POMT1: variants seen among roughly 807,000 people sequenced by gnomAD.
The protein encoded by POMT1 is protein O-mannosyl-transferase 1.
POMT1 carries 85 observed loss-of-function variants against 101.6 expected under a neutral mutation model. The observed-to-expected ratio is 0.84, with a 90% CI of 0.70 to 1.00. POMT1 has a LOEUF of 1.00. Among genes scored for constraint, POMT1 ranks in the 50% least tolerant of loss-of-function variants. POMT1 has a pLI of 0.00. For missense variants in POMT1, 857 were observed against 930.4 expected, an observed-to-expected ratio of 0.92 and a Z score of 1.03; for synonymous variants, 371 against 383.0, an observed-to-expected ratio of 0.97 and a Z score of 0.37.
At chr9:131,516,158 T>TTC (rs71372742) in intron 13 of POMT1, among the ~76,000 whole-genome samples, 861 of 40,414 alleles carry the variant, frequency 0.021, 247 homozygotes, top group Admixed American at 0.034. Flanking sequence ...CACAGGACAC[T>TTC]CTCACACTCA....
chr9:131,519,222 C>G lies in POMT1; in HGVS notation c.1487-167C>G, dbSNP rs561384009. On this transcript the variant is annotated intron_variant, in intron 15 of 19. Transcript: ENST00000402686. The surrounding 1 kb of genome is among the most constrained non-coding windows in gnomAD (Gnocchi z 4.3). ...CAGGGTCGAAATCACCTCATTTGAC[C>G]GGGCAGTCTTGGGTGTGGTGGGGAA... Among the ~76,000 whole-genome samples the G allele has an allele frequency of 6.6e-6, 1 of 152,186 alleles. No individual in the cohort carries two copies. The highest frequency in any genetic ancestry group is 2.4e-5 in the African/African-American group (1 of 41,432).
chr9:131,522,952 T>C lies in POMT1; in HGVS notation c.2024T>C (p.Ile675Thr). 1 of 1,596,796 alleles carries C rather than the reference T, an allele frequency of 6.3e-7. No homozygotes were observed. The change falls in exon 20 of 20, where the codon ATC (isoleucine) becomes ACC (threonine). Residue 675 changes from isoleucine (I) to threonine (T), a missense_variant. Coordinates refer to ENST00000402686, the MANE Select transcript of POMT1 (RefSeq NM_001077365.2). The surrounding 1 kb of genome is among the most constrained non-coding windows in gnomAD (Gnocchi z 5.5). ...HLCRSQLQRS[I>T]FSALVVAWYS... ...TGCAGGTCCCAGCTCCAGAGGAGCA[T>C]CTTCAGCGCCCTGGTGGTGGCCTGG...
At position 131,511,402 on chromosome 9, in the gene POMT1, G is replaced by C; in HGVS notation, c.921G>C (p.Leu307=). The C allele has an allele frequency of 6.2e-7, 1 of 1,614,164 alleles. No individual in the cohort carries two copies. Among genetic ancestry groups the C allele is most frequent in the African/African-American group, 1.3e-5 (1 of 75,046 alleles). The change falls in exon 10 of 20, where the codon CTG becomes CTC. Residue 307 remains leucine (L), a synonymous_variant. Coordinates refer to ENST00000402686, the MANE Select transcript of POMT1 (RefSeq NM_001077365.2). ...LEVAFGSQVT[L]RNVFGKPVPC... Reference sequence around the variant, plus strand: ...TGGCCTTTGGGTCCCAGGTCACTCTGAGGAACGTCTTTGGGAAACCTGTGC... The same window carrying C: ...TGGCCTTTGGGTCCCAGGTCACTCTCAGGAACGTCTTTGGGAAACCTGTGC...
chr9:131,518,860 C>G lies in POMT1; in HGVS notation c.1389C>G (p.Asp463Glu). The G allele has an allele frequency of 6.2e-7, 1 of 1,614,012 alleles. No individual in the cohort carries two copies. Among genetic ancestry groups the G allele is most frequent in the Non-Finnish European group, 8.5e-7 (1 of 1,180,026 alleles). Residue 463 changes from aspartate (D) to glutamate (E), a missense_variant, in exon 15 of 20, where the codon GAC (aspartate) becomes GAG (glutamate). Coordinates refer to ENST00000402686, the MANE Select transcript of POMT1 (RefSeq NM_001077365.2). ...VLKLSGAHLP[D>E]WGYRQLEIVG... The stretch of plus-strand genomic sequence containing the variant: ...AGCTGAGCGGGGCTCACCTCCCTGA[C>G]TGGGGGTATCGGCAACTGGAGATCG...
rs980939610 is a variant in POMT1 at position 131,521,122 on chromosome 9, C to A, written c.1699-224C>A. 5 of 592,212 alleles carry A rather than the reference C, an allele frequency of 8.4e-6. No homozygotes were observed. In the African/African-American group the frequency reaches 9.2e-5, roughly 11 times the overall value. 36.7% of individuals were successfully genotyped at this position (592,212 alleles called of 1,614,324 possible). A position where few individuals can be genotyped will look rare whatever the true frequency, so the allele number is the denominator to read the frequency against. On this transcript the variant is annotated intron_variant, in intron 17 of 19. Transcript: ENST00000402686. ...CTTCCCAAAGTGCTGGGATTACAGG[C>A]ATGTGCCACCACACCCGGCTGGCAT... is the stretch of plus-strand genomic sequence containing the variant.
intron 11 of POMT1, 136 bp downstream of exon 11, chr9:131,512,272 C>T: frequency 1.4e-6 from 2 of 1,476,096 alleles, no homozygotes; most frequent in East Asian, 2.5e-5. Context: ...TGAACACCAG[C>T]TCAGTGCTGA....
At chr9:131,513,128 G>A in intron 11 of POMT1, 111 bp from the exon 12 acceptor site, 1 of 857,076 alleles carries the variant, frequency 1.2e-6, no homozygotes. Context: ...AGGCACACAT[G>A]GGTTGGGAGG....
Position 131,509,907 on chromosome 9 carries a change from A to T in POMT1, c.610A>T (p.Lys204Ter). 7 of 1,614,184 alleles carry T rather than the reference A, an allele frequency of 4.3e-6. No homozygotes were observed. The highest frequency in any genetic ancestry group is 5.1e-6 in the Non-Finnish European group (6 of 1,180,038). Reference sequence around the variant, plus strand: ...ATTTCTGTCATGTCTTTGCAGCATCAAGTACATGGGTGTGTTCACGTACGT... The same window carrying T: ...ATTTCTGTCATGTCTTTGCAGCATCTAGTACATGGGTGTGTTCACGTACGT... ...GVACSCAVGI[K>*]YMGVFTYVLV... The change falls in exon 8 of 20, where the codon AAG (lysine) becomes TAG (stop). Residue 204 changes from lysine to a stop codon, truncating the protein, a stop_gained. Transcript: ENST00000402686. LOFTEE classifies it high-confidence loss of function.
chr9:131,518,236 C>T (rs748589530), intron 13 of POMT1: 6 of 679,780 alleles, frequency 8.8e-6, no homozygotes, highest in South Asian at 7.3e-5. Context: ...GAGGAGGGTG[C>T]ACTTCCCCAG....
chr9:131,506,999 G>A (rs1034454589), intron 4 of POMT1, among the ~76,000 whole-genome samples: 6 of 151,870 alleles, frequency 4.0e-5, no homozygotes, highest in Admixed American at 2.0e-4. Flanking sequence ...CCCGGGAGGC[G>A]GAGCTTGCAG....
chr9:131,519,951 C>A lies in POMT1; in HGVS notation c.1585-129C>A. ...GGTTCTCATCATGCTGCCTCCGATG[C>A]ATGATCCGAATGAACTTGAGCTGGG... is the stretch of plus-strand genomic sequence containing the variant. On this transcript the variant is annotated intron_variant, in intron 16 of 19. Transcript: ENST00000402686. The surrounding 1 kb of genome is among the most constrained non-coding windows in gnomAD (Gnocchi z 4.3). 1 of 746,270 alleles carries A rather than the reference C, an allele frequency of 1.3e-6. No homozygotes were observed. Among genetic ancestry groups the A allele is most frequent in the Non-Finnish European group, 2.3e-6 (1 of 426,770 alleles). 46.2% of individuals were successfully genotyped at this position (746,270 alleles called of 1,614,324 possible).
chr9:131,522,313 C>A lies in POMT1; in HGVS notation c.2003+89C>A, dbSNP rs1751968732. On this transcript the variant is annotated intron_variant, in intron 19 of 19. Transcript: ENST00000402686. This position sits in a 1 kb window ranked among gnomAD's most constrained non-coding sequence, Gnocchi z 5.5. Reference sequence around the variant, plus strand: ...CAGCAAACACATGGGGTGCAGCGAACCTCACCCATTTCACGTTACACTGAC... The same window carrying A: ...CAGCAAACACATGGGGTGCAGCGAAACTCACCCATTTCACGTTACACTGAC... The A allele has an allele frequency of 2.5e-6, 4 of 1,584,840 alleles. No homozygotes were observed. Among genetic ancestry groups the A allele is most frequent in the Non-Finnish European group, 3.4e-6 (4 of 1,170,610 alleles).
In POMT1 at chr9:131,522,987, G is replaced by A. The variant is rs535544133; in HGVS notation, c.2059G>A (p.Ala687Thr). 41 of 1,606,136 alleles carry A rather than the reference G, an allele frequency of 2.6e-5. No individual in the cohort carries two copies. The highest frequency in any genetic ancestry group is 2.2e-4 in the Middle Eastern group (1 of 4,456). The change falls in exon 20 of 20, where the codon GCG becomes ACG. Residue 687 changes from alanine (A) to threonine (T), a missense_variant. Ala to Thr is a moderately conservative substitution (Grantham distance 58). Coordinates refer to ENST00000402686, the MANE Select transcript of POMT1 (RefSeq NM_001077365.2). This position sits in a 1 kb window ranked among gnomAD's most constrained non-coding sequence, Gnocchi z 5.5. ...CCTGGTGGTGGCCTGGTACTCCTCC[G>A]CGTGCCACGTGTCCAACACGCTGCG... is the stretch of plus-strand genomic sequence containing the variant. The part of the protein sequence containing the change: ...SALVVAWYSS[A>T]CHVSNTLRPL...
chr9:131,519,433 C>A lies in POMT1; in HGVS notation c.1531C>A (p.Gln511Lys). 2 of 1,551,964 alleles carry A rather than the reference C, an allele frequency of 1.3e-6. No homozygotes were observed. The highest frequency in any genetic ancestry group is 2.4e-5 in the East Asian group (1 of 41,124). ...GGAACGGGAGCTGCACTCACCTGCG[C>A]AGGTGGACGTCAGCAGGAACCTCAG... Reference protein sequence around the residue: ...ERERELHSPAQVDVSRNLSFM... With the variant: ...ERERELHSPAKVDVSRNLSFM... The change falls in exon 16 of 20, where the codon CAG becomes AAG. Residue 511 changes from glutamine (Q) to lysine (K), a missense_variant. Transcript: ENST00000402686. This position sits in a 1 kb window ranked among gnomAD's most constrained non-coding sequence, Gnocchi z 4.3.
rs10901066 is a variant in POMT1, at chr9:131,511,516, G to A, written c.986+49G>A. ...AGATAATTAAATGCTTTATTTGCTC[G>A]TAGATTTGCTTATCTTAGCAACTTT... On this transcript the variant is annotated intron_variant, in intron 10 of 19. Transcript: ENST00000402686. 0.94 allele frequency: 1,512,923 copies of A among 1,609,874 alleles called. 713,176 individuals are homozygous for A. The highest frequency in any genetic ancestry group is 0.97 in the South Asian group (88,243 of 90,920).
chr9:131,513,737 G>A (rs1947651627), intron 12 of POMT1, among the ~76,000 whole-genome samples: 1 of 152,206 alleles, frequency 6.6e-6, no homozygotes, highest in Non-Finnish European at 1.5e-5. Flanking sequence ...CACGAGTGGA[G>A]CCGTGAAGGC....
Position 131,515,444 on chromosome 9 carries a change from CCT to C in POMT1, c.1195_1196del (p.Leu399GlufsTer12), listed in dbSNP as rs1564364615. On this transcript the variant is annotated frameshift_variant, in exon 13 of 20. Coordinates refer to ENST00000402686, the MANE Select transcript of POMT1 (RefSeq NM_001077365.2). LOFTEE classifies it high-confidence loss of function. ...SLNTHDVAAP[L>X]SPHSQEVSCY... ...TTTCCAGGCATGATGTTGCAGCCCC[CCT>C]GAGCCCCCATTCACAGGAGGTCTCC... 15 of 1,614,098 alleles carry C rather than the reference CCT, an allele frequency of 9.3e-6. No individual in the cohort carries two copies. The highest frequency in any genetic ancestry group is 1.1e-5 in the Non-Finnish European group (13 of 1,180,038).
chr9:131,511,151 G>C, intron 9 of POMT1, 186 bp from the exon 10 acceptor site: 1 of 665,796 alleles, frequency 1.5e-6, no homozygotes. Flanking sequence ...CATTTGATCA[G>C]ACTTAGTGCT....
rs918996374 is a variant in POMT1, at chr9:131,513,740, G to A, written c.1175+409G>A. 1.1e-4 allele frequency among the ~76,000 whole-genome samples: 17 copies of A among 152,216 alleles called. 1 individual carries two copies. The highest frequency in any genetic ancestry group is 4.1e-4 in the African/African-American group (17 of 41,452). The stretch of plus-strand genomic sequence containing the variant: ...TGGAAGCTCGGGCACGAGTGGAGCC[G>A]TGAAGGCTTCTTCCTTCTCAGTCCT... On this transcript the variant is annotated intron_variant, in intron 12 of 19. Coordinates refer to ENST00000402686, the MANE Select transcript of POMT1 (RefSeq NM_001077365.2).
Sources: allele counts gnomAD v4.1 joint callset (sites outside exome capture counted in the v4.1 genomes callset), GRCh38; gene constraint gnomAD v4.1.1; non-coding constraint Gnocchi (gnomAD v3.1); transcripts MANE v1.5; gene names NCBI Gene and HGNC (gene_info 2026-07-23, HGNC 2026-07-21).